NXPE2: variants seen among roughly 807,000 people sequenced by gnomAD.
The protein encoded by NXPE2 is NXPE family member 2.
In NXPE2, 34 loss-of-function variants were observed where a neutral mutation model predicts 34.4. The ratio of observed to expected loss-of-function variants is 0.99; its 90% CI spans 0.75 to 1.31. The LOEUF (loss-of-function observed/expected upper bound fraction) is 1.31, where lower values mean the gene tolerates loss of function less well. NXPE2 is among the 40% of genes most tolerant of loss of function. The pLI is 0.00. For missense variants in NXPE2, 649 were observed against 672.5 expected (o/e 0.97, Z 0.39); for synonymous variants, 235 against 231.3 (o/e 1.02, Z -0.15).
the NXPE2 span, among the ~76,000 whole-genome samples, chr11:114,499,683 T>G: frequency 6.6e-6 from 1 of 152,294 alleles, no homozygotes; most frequent in Admixed American, 6.5e-5. Context: ...TGGTGAGTTT[T>G]GACAAATACG....
At chr11:114,544,715 A>G in the NXPE2 span, among the ~76,000 whole-genome samples, 3 of 152,154 alleles carry the variant, frequency 2.0e-5, no homozygotes, top group Non-Finnish European at 2.9e-5. Context: ...AGAAAAACTG[A>G]TAAGTTAGAT....
the NXPE2 span, among the ~76,000 whole-genome samples, chr11:114,569,151 C>A: frequency 6.6e-6 from 1 of 152,114 alleles, no homozygotes; most frequent in South Asian, 2.1e-4. Context: ...TATTGCCATT[C>A]TTACTATTGG....
intron 2 of NXPE2, among the ~76,000 whole-genome samples, chr11:114,687,565 C>A (rs2135542846): frequency 6.6e-6 from 1 of 152,006 alleles, no homozygotes; most frequent in East Asian, 1.9e-4. Flanking sequence ...TAGCTGTATT[C>A]TTTTTTGCTT....
chr11:114,541,699 A>G, the NXPE2 span, among the ~76,000 whole-genome samples: 1 of 152,190 alleles, frequency 6.6e-6, no homozygotes, highest in Non-Finnish European at 1.5e-5. Context: ...CTATAGGTAA[A>G]TTTAATCATT....
At chr11:114,717,920 C>G in the NXPE2 span, among the ~76,000 whole-genome samples, 5 of 152,120 alleles carry the variant, frequency 3.3e-5, no homozygotes, top group Non-Finnish European at 7.3e-5. Flanking sequence ...CTAAGCAGGA[C>G]AAACTTGGAA....
the NXPE2 span, among the ~76,000 whole-genome samples, chr11:114,647,355 C>T: frequency 6.6e-6 from 1 of 152,042 alleles, no homozygotes; most frequent in South Asian, 2.1e-4. Flanking sequence ...GTTCCCTTTA[C>T]TTTCTAGAAC....
At chr11:114,808,216 C>T in the NXPE2 span, among the ~76,000 whole-genome samples, 1 of 152,166 alleles carries the variant, frequency 6.6e-6, no homozygotes, top group Admixed American at 6.5e-5. Flanking sequence ...AAATTTGTAG[C>T]ACTAAATGCC....
intron 3 of NXPE2, among the ~76,000 whole-genome samples, chr11:114,701,985 G>A (rs1267089477): frequency 6.6e-6 from 1 of 152,136 alleles, no homozygotes; most frequent in Non-Finnish European, 1.5e-5. Context: ...CATATACTGA[G>A]GGATGACTGT....
the NXPE2 span, among the ~76,000 whole-genome samples, chr11:114,744,610 G>T: frequency 6.6e-6 from 1 of 152,072 alleles, no homozygotes; most frequent in African/African-American, 2.4e-5. Context: ...AGGAGTTTGA[G>T]ACCAGCCTGG....
chr11:114,812,413 G>A, the NXPE2 span, among the ~76,000 whole-genome samples: 1 of 152,196 alleles, frequency 6.6e-6, no homozygotes, highest in Non-Finnish European at 1.5e-5. Flanking sequence ...TCAATGTAGA[G>A]CAGGTGGCAC....
chr11:114,653,907 G>T, the NXPE2 span, among the ~76,000 whole-genome samples: 7 of 152,178 alleles, frequency 4.6e-5, no homozygotes, highest in Middle Eastern at 0.014. Flanking sequence ...ATCTACATTT[G>T]TAAACTAGAG....
the NXPE2 span, among the ~76,000 whole-genome samples, chr11:114,609,563 C>G: frequency 2.0e-5 from 3 of 151,794 alleles, no homozygotes; most frequent in African/African-American, 4.8e-5. Flanking sequence ...AGTATTGCCT[C>G]CTGGGTAACC....
Position 114,706,994 on chromosome 11 carries a change from A to G in NXPE2, c.*64A>G. On this transcript the variant is annotated 3_prime_UTR_variant, in exon 6 of 6. Coordinates refer to ENST00000389586, the MANE Select transcript of NXPE2 (RefSeq NM_182495.6). ...ATGATCTCACATATACAGCGAAGAT[A>G]GTTTAATGCAATCCAAGTTTTGAGG... is the stretch of plus-strand genomic sequence containing the variant. 7.9e-7 allele frequency: 1 copy of G among 1,273,282 alleles called. No homozygotes were observed. Among genetic ancestry groups the G allele is most frequent in the Non-Finnish European group, 1.1e-6 (1 of 945,332 alleles). The allele number at this position is 1,273,282 out of a possible 1,614,324, so 78.9% of individuals were successfully genotyped here.
chr11:114,577,422 A>G, the NXPE2 span, among the ~76,000 whole-genome samples: 1 of 152,064 alleles, frequency 6.6e-6, no homozygotes, highest in African/African-American at 2.4e-5. Flanking sequence ...TTGGCGAGGG[A>G]TAAAAGACTA....
chr11:114,809,632 A>G, the NXPE2 span, among the ~76,000 whole-genome samples: 1 of 12,866 alleles, frequency 7.8e-5, no homozygotes, highest in Non-Finnish European at 1.1e-3. Context: ...CCAACTTACA[A>G]GGGACATGAA....
the NXPE2 span, among the ~76,000 whole-genome samples, chr11:114,591,573 C>A: frequency 2.6e-5 from 4 of 152,112 alleles, no homozygotes; most frequent in Admixed American, 6.6e-5. Context: ...AATTAAGCCT[C>A]AGTACTCCCC....
the NXPE2 span, among the ~76,000 whole-genome samples, chr11:114,480,941 A>G: frequency 6.6e-6 from 1 of 152,220 alleles, no homozygotes; most frequent in Non-Finnish European, 1.5e-5. Context: ...TAGAGATTAT[A>G]CTTGCTTGCT....
chr11:114,658,503 G>T, the NXPE2 span, among the ~76,000 whole-genome samples: 1 of 152,162 alleles, frequency 6.6e-6, no homozygotes, highest in African/African-American at 2.4e-5. Flanking sequence ...CAGGCCTGGA[G>T]GGGGAGGGTA....
chr11:114,601,784 A>C, the NXPE2 span, among the ~76,000 whole-genome samples: 1 of 72,226 alleles, frequency 1.4e-5, no homozygotes, highest in South Asian at 4.3e-4. Flanking sequence ...ATAATTATAT[A>C]ACATGTGATA....
Sources: gnomAD v4.1 joint callset for allele counts (sites outside exome capture counted in the v4.1 genomes callset) on GRCh38, gnomAD v4.1.1 for gene constraint, MANE v1.5 for transcripts, NCBI Gene and HGNC (gene_info 2026-07-23, HGNC 2026-07-21) for gene names.